FYB2: variants seen among roughly 807,000 people sequenced by gnomAD.
FYB2 encodes FYN-binding protein 2.
A neutral mutation model predicts 94.1 loss-of-function variants in FYB2; 103 were observed. That is an observed-to-expected ratio of 1.09 (90% CI 0.93 to 1.29). The LOEUF (loss-of-function observed/expected upper bound fraction) is 1.29, where lower values mean the gene tolerates loss of function less well. FYB2 is among the 50% of genes most tolerant of loss of function. The pLI is 0.00. For synonymous variants in FYB2, 293 were observed against 287.9 expected (o/e 1.02, Z -0.18); for missense variants, 896 against 841.5 (o/e 1.06, Z -0.80).
At chr1:56,753,974 A>C in intron 7 of FYB2, 39 bp from the exon 8 acceptor site, 3 of 1,323,192 alleles carry the variant, frequency 2.3e-6, no homozygotes, top group Non-Finnish European at 2.2e-6. Flanking sequence ...AATGAAGCTT[A>C]GAGTGTTTAA....
At chr1:56,763,894 C>T (rs148357255) in intron 5 of FYB2, among the ~76,000 whole-genome samples, 72 of 151,348 alleles carry the variant, frequency 4.8e-4, no homozygotes, top group African/African-American at 1.6e-3. Context: ...TGACTCTTCG[C>T]GAGATTGCAT....
chr1:56,788,779 T>G (rs1189169980), intron 3 of FYB2, 194 bp downstream of exon 3: 10 of 701,592 alleles, frequency 1.4e-5, no homozygotes, highest in East Asian at 5.5e-5. Flanking sequence ...TGGGCTGGTC[T>G]AGGAGCGATA....
At chr1:56,791,443 A>G (rs1161367069) in intron 2 of FYB2, among the ~76,000 whole-genome samples, 2 of 152,060 alleles carry the variant, frequency 1.3e-5, no homozygotes, top group African/African-American at 4.8e-5. Context: ...TTTAATAGAG[A>G]TGGGGTTTTG....
At chr1:56,776,532 T>G (rs1645880172) in intron 4 of FYB2, among the ~76,000 whole-genome samples, 1 of 152,168 alleles carries the variant, frequency 6.6e-6, no homozygotes. Context: ...AGCAGATTCC[T>G]AATAAACCAG....
Position 56,739,845 on chromosome 1 carries a change from G to GC in FYB2, c.1703+851dup, listed in dbSNP as rs879784184. 3.3e-5 allele frequency among the ~76,000 whole-genome samples: 5 copies of GC among 152,186 alleles called. No individual in the cohort carries two copies. The East Asian group carries it at 9.7e-4, about 29-fold the overall frequency. On this transcript the variant is annotated intron_variant, in intron 13 of 19. Transcript: ENST00000343433. ...TCCAAGCATGTTTAAGATGAGCTAG[G>GC]CTAAGCGATGATGTTTGGTAGATGT... is the stretch of plus-strand genomic sequence containing the variant.
chr1:56,726,709 A>G, intron 15 of FYB2, 126 bp from the exon 16 acceptor site: 1 of 755,542 alleles, frequency 1.3e-6, no homozygotes, highest in Non-Finnish European at 2.1e-6. Context: ...ATATTTTGAT[A>G]ATCCATGGAA....
chr1:56,768,782 T>C (rs946589735), intron 4 of FYB2, among the ~76,000 whole-genome samples: 2 of 152,106 alleles, frequency 1.3e-5, no homozygotes, highest in African/African-American at 4.8e-5. Flanking sequence ...GCATAACTAA[T>C]GGGGGACCTA....
intron 4 of FYB2, among the ~76,000 whole-genome samples, chr1:56,784,198 G>A (rs954819448): frequency 6.6e-6 from 1 of 152,134 alleles, no homozygotes; most frequent in Non-Finnish European, 1.5e-5. Flanking sequence ...GGAGAAGAAT[G>A]TAGTCCTTAG....
intron 4 of FYB2, among the ~76,000 whole-genome samples, chr1:56,768,960 A>G (rs1394910295): frequency 6.6e-6 from 1 of 152,188 alleles, no homozygotes; most frequent in Non-Finnish European, 1.5e-5. Flanking sequence ...AGTTCTTAAG[A>G]TAAAAAATTT....
chr1:56,733,340 G>A (rs1391661055), intron 15 of FYB2, among the ~76,000 whole-genome samples: 5 of 151,896 alleles, frequency 3.3e-5, no homozygotes, highest in Non-Finnish European at 7.4e-5. Context: ...TATTAGTCTT[G>A]CTAGTGGTCT....
rs142614465 is a variant in FYB2, at chr1:56,720,081, A to G, written c.2132-26T>C. ...CTAATAGAAACAAAAGTCACCGTTA[A>G]TTTGAAAGTTATAGAGAAAATGTTT... On this transcript the variant is annotated intron_variant, in intron 18 of 19. Coordinates refer to ENST00000343433, the MANE Select transcript of FYB2 (RefSeq NM_001004303.5). 8.9e-4 allele frequency: 1,427 copies of G among 1,596,872 alleles called. 14 individuals are homozygous for G. In the African/African-American group the frequency reaches 0.017, roughly 19 times the overall value.
chr1:56,768,944 A>T (rs1269628079), intron 4 of FYB2, among the ~76,000 whole-genome samples: 1 of 152,222 alleles, frequency 6.6e-6, no homozygotes, highest in Non-Finnish European at 1.5e-5. Context: ...AGAGATCATA[A>T]AATATAGTTC....
At chr1:56,726,641 C>A in intron 15 of FYB2, 58 bp from the exon 16 acceptor site, 5 of 1,361,064 alleles carry the variant, frequency 3.7e-6, no homozygotes, top group Non-Finnish European at 5.1e-6. Context: ...ATTCATGGAA[C>A]CATCAACACT....
intron 2 of FYB2, among the ~76,000 whole-genome samples, chr1:56,790,347 G>A (rs763442709): frequency 7.9e-5 from 12 of 152,240 alleles, no homozygotes; most frequent in Non-Finnish European, 1.2e-4. Flanking sequence ...TACAAGTAGC[G>A]TTGTCAAAAA....
chr1:56,770,703 CT>C (rs1231771108), intron 4 of FYB2, among the ~76,000 whole-genome samples: 2 of 152,070 alleles, frequency 1.3e-5, no homozygotes, highest in African/African-American at 4.8e-5. Flanking sequence ...GATAAACGCT[CT>C]TCACTAGATT....
Position 56,723,686 on chromosome 1 carries a change from C to A in FYB2, c.1881-5G>T. ...AAGAAATTTCTAGGAGAGAAACTAG[C>A]AAGAAATGTGCAGGTAGGGTAAAAC... is the stretch of plus-strand genomic sequence containing the variant. On this transcript the variant is annotated splice_region_variant and splice_polypyrimidine_tract_variant and intron_variant, in intron 16 of 19. Transcript: ENST00000343433. 1.3e-6 allele frequency: 2 copies of A among 1,505,682 alleles called. No homozygotes were observed. The highest frequency in any genetic ancestry group is 1.7e-5 in the Admixed American group (1 of 57,536). The allele number at this position is 1,505,682 out of a possible 1,614,324, so 93.3% of individuals were successfully genotyped here.
intron 6 of FYB2, among the ~76,000 whole-genome samples, chr1:56,757,768 T>C (rs1301696279): frequency 1.4e-5 from 2 of 145,098 alleles, no homozygotes; most frequent in African/African-American, 2.6e-5. Flanking sequence ...TCATTCTTTC[T>C]TTTTCTTTTT....
intron 1 of FYB2, among the ~76,000 whole-genome samples, chr1:56,804,071 C>T (rs1646582370): frequency 6.6e-6 from 1 of 152,216 alleles, no homozygotes; most frequent in African/African-American, 2.4e-5. Context: ...GCCAGCTCAG[C>T]ACCTGGTCCA....
intron 9 of FYB2, among the ~76,000 whole-genome samples, chr1:56,747,191 G>A (rs933938415): frequency 3.3e-5 from 5 of 151,298 alleles, no homozygotes; most frequent in Admixed American, 6.6e-5. Flanking sequence ...ATACATAAAC[G>A]GTATATGTAA....
Sources: gnomAD v4.1 joint callset for allele counts (sites outside exome capture counted in the v4.1 genomes callset) on GRCh38, gnomAD v4.1.1 for gene constraint, MANE v1.5 for transcripts, NCBI Gene and HGNC (gene_info 2026-07-23, HGNC 2026-07-21) for gene names.